NFKBIE: variants seen among roughly 807,000 people sequenced by gnomAD.
NFKBIE encodes NFKB inhibitor epsilon.
In NFKBIE, 11 loss-of-function variants were observed where a neutral mutation model predicts 31.6. That is an observed-to-expected ratio of 0.35 (90% CI 0.22 to 0.58). The LOEUF (loss-of-function observed/expected upper bound fraction) is 0.58. NFKBIE is among the 20% of genes least tolerant of loss of function. The probability of loss-of-function intolerance (pLI) is 0.83; values close to 1 mark genes in which losing one functional copy is unlikely to be tolerated. For synonymous variants in NFKBIE, 208 were observed against 210.1 expected (o/e 0.99, Z 0.09); for missense variants, 354 against 465.7 (o/e 0.76, Z 2.21).
chr6:44,259,237 C>T lies in NFKBIE; in HGVS notation c.1068G>A (p.Leu356=). ...CCTGGCTTCAGTCGGTACACAGCAGCAGTTTCCCTGAGATCTTCAGGTCAT... is the reference window on the plus strand; with the variant it reads ...CCTGGCTTCAGTCGGTACACAGCAGTAGTTTCCCTGAGATCTTCAGGTCAT... ...PFDDLKISGK[L]LLCTD Residue 356 remains leucine, a synonymous_variant, in exon 6 of 6, where the codon CTG becomes CTA. Transcript: ENST00000619360. The T allele has an allele frequency of 6.2e-7, 1 of 1,613,694 alleles. No individual in the cohort carries two copies. The highest frequency in any genetic ancestry group is 8.5e-7 in the Non-Finnish European group (1 of 1,179,742).
rs998381715 is a variant in NFKBIE, at chr6:44,263,462, G to A, written c.366-800C>T. On this transcript the variant is annotated intron_variant, in intron 1 of 5. Transcript: ENST00000619360. This position sits in a 1 kb window ranked among gnomAD's most constrained non-coding sequence, Gnocchi z 5.0. ...GACAGCTGCCTTGGGGCATTAGTGAGGGGGGTAGATTGGCTAAAAGGCCCG... is the reference window on the plus strand; with the variant it reads ...GACAGCTGCCTTGGGGCATTAGTGAAGGGGGTAGATTGGCTAAAAGGCCCG... 6.6e-6 allele frequency among the ~76,000 whole-genome samples: 1 copy of A among 152,056 alleles called. No individual in the cohort carries two copies. Among genetic ancestry groups the A allele is most frequent in the Non-Finnish European group, 1.5e-5 (1 of 67,982 alleles).
chr6:44,263,392 G>A lies in NFKBIE; in HGVS notation c.366-730C>T, dbSNP rs888090588. Among the ~76,000 whole-genome samples the A allele has an allele frequency of 6.6e-6, 1 of 152,094 alleles. No individual in the cohort carries two copies. Among genetic ancestry groups the A allele is most frequent in the Non-Finnish European group, 1.5e-5 (1 of 68,018 alleles). On this transcript the variant is annotated intron_variant, in intron 1 of 5. Coordinates refer to ENST00000619360, the MANE Select transcript of NFKBIE (RefSeq NM_004556.3). This position sits in a 1 kb window ranked among gnomAD's most constrained non-coding sequence, Gnocchi z 5.0. Reference sequence around the variant, plus strand: ...AGTTCCAGTCTTGGGGTTTCCCCACGTCAGGTGGGGAAAACGAAAGCCAGT... The same window carrying A: ...AGTTCCAGTCTTGGGGTTTCCCCACATCAGGTGGGGAAAACGAAAGCCAGT...
rs1349721817 is a variant in NFKBIE, at chr6:44,263,412, G to A, written c.366-750C>T. Among the ~76,000 whole-genome samples, 1 of 152,086 alleles carries A rather than the reference G, an allele frequency of 6.6e-6. No individual in the cohort carries two copies. Among genetic ancestry groups the A allele is most frequent in the Non-Finnish European group, 1.5e-5 (1 of 67,996 alleles). On this transcript the variant is annotated intron_variant, in intron 1 of 5. Coordinates refer to ENST00000619360, the MANE Select transcript of NFKBIE (RefSeq NM_004556.3). This position sits in a 1 kb window ranked among gnomAD's most constrained non-coding sequence, Gnocchi z 5.0. ...CCCACGTCAGGTGGGGAAAACGAAA[G>A]CCAGTGATGGAGGGTCTAGGCCGGG...
chr6:44,264,291 C>T (rs1782032942), intron 1 of NFKBIE, among the ~76,000 whole-genome samples: 1 of 152,230 alleles, frequency 6.6e-6, no homozygotes, highest in African/African-American at 2.4e-5. Context: ...CCACTCCCAC[C>T]AAACTCCATC....
At position 44,263,347 on chromosome 6, in the gene NFKBIE, TG is replaced by T. The variant is rs1406364369; in HGVS notation, c.366-686del. ...GCCAAGAACCTTAATCTAGGGGTAA[TG>T]GGGGCAGTTGGGAGGGGAAGTTCCA... On this transcript the variant is annotated intron_variant, in intron 1 of 5. Coordinates refer to ENST00000619360, the MANE Select transcript of NFKBIE (RefSeq NM_004556.3). This position sits in a 1 kb window ranked among gnomAD's most constrained non-coding sequence, Gnocchi z 5.0. Among the ~76,000 whole-genome samples the T allele has an allele frequency of 6.8e-6, 1 of 146,854 alleles. No individual in the cohort carries two copies. Among genetic ancestry groups the T allele is most frequent in the Non-Finnish European group, 1.5e-5 (1 of 66,810 alleles).
intron 2 of NFKBIE, 149 bp downstream of exon 2, chr6:44,262,411 A>G (rs745869631): frequency 1.8e-4 from 118 of 647,658 alleles, no homozygotes; most frequent in Middle Eastern, 1.5e-3. Flanking sequence ...GACAGAGGCC[A>G]TGTCTTACTT....
chr6:44,265,234 G>A lies in NFKBIE; in HGVS notation c.113C>T (p.Ser38Phe). 2 of 1,552,598 alleles carry A rather than the reference G, an allele frequency of 1.3e-6. No individual in the cohort carries two copies. Among genetic ancestry groups the A allele is most frequent in the Non-Finnish European group, 1.7e-6 (2 of 1,147,552 alleles). The change falls in exon 1 of 6, where the codon TCC (serine) becomes TTC (phenylalanine). Residue 38 changes from serine (S) to phenylalanine (F), a missense_variant. Ser to Phe is a radical substitution (Grantham distance 155, BLOSUM62 -2). This residue lies in a region of NFKBIE where 171 missense variants were observed against 155.1 expected (regional missense o/e 1.10). Transcript: ENST00000619360. ...CTGGGGGCTGCCGTCCGAGGGCCCG[G>A]AGGCTGGAGCCGAGGTGGACTCGGG... Reference protein sequence around the residue: ...SLPESTSAPASGPSDGSPQPC... With the variant: ...SLPESTSAPAFGPSDGSPQPC...
At chr6:44,262,876 C>T (rs568940964) in intron 1 of NFKBIE, among the ~76,000 whole-genome samples, 5 of 152,306 alleles carry the variant, frequency 3.3e-5, no homozygotes, top group East Asian at 1.9e-4. Flanking sequence ...TTCAGGAGGG[C>T]CTTGGCTGGG....
At chr6:44,259,513 C>G (rs554274248) in intron 5 of NFKBIE, among the ~76,000 whole-genome samples, 1 of 148,706 alleles carries the variant, frequency 6.7e-6, no homozygotes, top group Non-Finnish European at 1.5e-5. Context: ...CCAGAATATC[C>G]GAGTTAGGAG....
rs1230541046 is a variant in NFKBIE, at chr6:44,265,020, C to A, written c.327G>T (p.Gln109His). Residue 109 changes from glutamine to histidine, a missense_variant, in exon 1 of 6, where the codon CAG becomes CAT. Coordinates refer to ENST00000619360, the MANE Select transcript of NFKBIE (RefSeq NM_004556.3). Reference sequence around the variant, plus strand: ...CGGAGATGTAAGTGAGTGCTTCCAGCTGCTGAGGGCTCAGCGCCCCCACGT... The same window carrying A: ...CGGAGATGTAAGTGAGTGCTTCCAGATGCTGAGGGCTCAGCGCCCCCACGT... ...LPHVGALSPQ[Q>H]LEALTYISED... The A allele has an allele frequency of 4.4e-6, 7 of 1,585,314 alleles. No homozygotes were observed. The highest frequency in any genetic ancestry group is 6.0e-6 in the Non-Finnish European group (7 of 1,165,990).
intron 1 of NFKBIE, among the ~76,000 whole-genome samples, chr6:44,264,629 G>A (rs1782047026): frequency 6.6e-6 from 1 of 152,220 alleles, no homozygotes; most frequent in African/African-American, 2.4e-5. Flanking sequence ...GTCAGGAACT[G>A]GGAATCCCAG....
Position 44,260,684 on chromosome 6 carries a change from C to T in NFKBIE, c.692-145G>A, listed in dbSNP as rs1781865479. ...CACAAGACTGTTAAAATGCAAACCC[C>T]AAAACCCCCTCAAAAGTCTAAGGGG... On this transcript the variant is annotated intron_variant, in intron 3 of 5. Transcript: ENST00000619360. This position sits in a 1 kb window ranked among gnomAD's most constrained non-coding sequence, Gnocchi z 5.5. 9.1e-6 allele frequency: 7 copies of T among 765,494 alleles called. No individual in the cohort carries two copies. Among genetic ancestry groups the T allele is most frequent in the East Asian group, 2.7e-5 (1 of 37,146 alleles). 47.4% of individuals were successfully genotyped at this position (765,494 alleles called of 1,614,324 possible). A position where few individuals can be genotyped will look rare whatever the true frequency, so the allele number is the denominator to read the frequency against.
intron 1 of NFKBIE, among the ~76,000 whole-genome samples, chr6:44,264,386 G>T (rs1185936266): frequency 6.6e-6 from 1 of 152,208 alleles, no homozygotes; most frequent in African/African-American, 2.4e-5. Context: ...AGGATGTCAG[G>T]GACGCTGACT....
rs143417992 is a variant in NFKBIE at position 44,260,220 on chromosome 6, T to C, written c.843A>G (p.Val281=). ...LAVETQERGL[V]QFLLQAGAQV... ...GGGCACCAGCCTGGAGCAGGAACTGTACCAGGCCCCGCTCTTGGGTTTCCA... is the reference window on the plus strand; with the variant it reads ...GGGCACCAGCCTGGAGCAGGAACTGCACCAGGCCCCGCTCTTGGGTTTCCA... The change falls in exon 5 of 6, where the codon GTA becomes GTG. Residue 281 remains valine, a synonymous_variant. Transcript: ENST00000619360. The surrounding 1 kb of genome is among the most constrained non-coding windows in gnomAD (Gnocchi z 5.5). The C allele has an allele frequency of 9.3e-6, 15 of 1,613,878 alleles. No homozygotes were observed. In the East Asian group the frequency reaches 3.3e-4, roughly 36 times the overall value.
chr6:44,265,367 G>C lies in NFKBIE; in HGVS notation c.-21C>G, dbSNP rs773824745. ...GACATGCCCGCGGCTCTGGCCGGCC[G>C]GGGCCCGGTCTGAGCAGGATCCGGC... On this transcript the variant is annotated 5_prime_UTR_variant, in exon 1 of 6. Transcript: ENST00000619360. The C allele has an allele frequency of 2.4e-5, 37 of 1,561,160 alleles. No homozygotes were observed. The South Asian group carries it at 4.2e-4, about 18-fold the overall frequency.
At chr6:44,259,964 T>TG in intron 5 of NFKBIE, 79 bp downstream of exon 5, 1 of 1,552,478 alleles carries the variant, frequency 6.4e-7, no homozygotes, top group Non-Finnish European at 8.7e-7. Flanking sequence ...CCTGGCTCCC[T>TG]GGCCCTTTCA....
chr6:44,260,012 G>C lies in NFKBIE; in HGVS notation c.1020+31C>G, dbSNP rs1781838120. ...ACCTCTCTCTGCTATGGGTGTGCAA[G>C]GCCCTGGAGAGCAAAGCATATGCCA... is the stretch of plus-strand genomic sequence containing the variant. On this transcript the variant is annotated intron_variant, in intron 5 of 5. Transcript: ENST00000619360. This position sits in a 1 kb window ranked among gnomAD's most constrained non-coding sequence, Gnocchi z 5.5. 6.2e-7 allele frequency: 1 copy of C among 1,602,250 alleles called. No individual in the cohort carries two copies. The highest frequency in any genetic ancestry group is 8.5e-7 in the Non-Finnish European group (1 of 1,170,898).
rs369958691 is a variant in NFKBIE, at chr6:44,260,826, AACACACACACACAC to A, written c.692-301_692-288del. ...CACCCTCCTCCTATACACAAACTACAACACACACACACACACACACACACACACATACAGACACA... is the reference window on the plus strand; with the variant it reads ...CACCCTCCTCCTATACACAAACTACAACACACACACACACATACAGACACA... On this transcript the variant is annotated intron_variant, in intron 3 of 5. Transcript: ENST00000619360. This position sits in a 1 kb window ranked among gnomAD's most constrained non-coding sequence, Gnocchi z 5.5. Among the ~76,000 whole-genome samples, 26 of 119,122 alleles carry A rather than the reference AACACACACACACAC, an allele frequency of 2.2e-4. No homozygotes were observed. The highest frequency in any genetic ancestry group is 7.8e-4 in the African/African-American group (26 of 33,474). 78.1% of individuals were successfully genotyped at this position (119,122 alleles called of 152,430 possible). A position where few individuals can be genotyped will look rare whatever the true frequency, so the allele number is the denominator to read the frequency against.
Position 44,261,448 on chromosome 6 carries a change from C to T in NFKBIE, c.691+178G>A, listed in dbSNP as rs1781917873. On this transcript the variant is annotated intron_variant, in intron 3 of 5. Coordinates refer to ENST00000619360, the MANE Select transcript of NFKBIE (RefSeq NM_004556.3). This position sits in a 1 kb window ranked among gnomAD's most constrained non-coding sequence, Gnocchi z 4.3. ...GCAGGCAGTAGGTACTGGTTAAATT[C>T]GAAATCAAATCATCCATTCATTCAT... Among the ~76,000 whole-genome samples, 2 of 152,196 alleles carry T rather than the reference C, an allele frequency of 1.3e-5. No homozygotes were observed. The highest frequency in any genetic ancestry group is 2.1e-4 in the South Asian group (1 of 4,830).
Sources: allele counts gnomAD v4.1 joint callset (sites outside exome capture counted in the v4.1 genomes callset), GRCh38; gene constraint gnomAD v4.1.1; regional missense constraint gnomAD v4.1.1; non-coding constraint Gnocchi (gnomAD v3.1); transcripts MANE v1.5; gene names NCBI Gene and HGNC (gene_info 2026-07-23, HGNC 2026-07-21).